The following WIPF3 variants were observed in gnomAD, a reference collection of about 807,000 sequenced individuals.
WIPF3 encodes WAS/WASL interacting protein family member 3.
In WIPF3, 33 loss-of-function variants were observed where a neutral mutation model predicts 38.9. That is an observed-to-expected ratio of 0.85 (90% confidence interval 0.64 to 1.14). WIPF3 has a LOEUF of 1.14. WIPF3 is among the 50% of genes most tolerant of loss of function. The pLI is 0.00. For missense variants in WIPF3, 711 were observed against 652.5 expected, an observed-to-expected ratio of 1.09 and a Z score of -0.98; for synonymous variants, 324 against 269.3, an observed-to-expected ratio of 1.20 and a Z score of -1.99.
Position 29,914,722 on chromosome 7 carries a change from T to C in WIPF3, c.*206T>C, listed in dbSNP as rs1786573267. ...GTAATATTTTTTAAAACACCCCTCA[T>C]TTTTCCATTTTTTGCATTGCATCTT... On this transcript the variant is annotated 3_prime_UTR_variant, in exon 9 of 9. Transcript: ENST00000242140. The C allele has an allele frequency of 7.6e-6, 3 of 396,388 alleles. No homozygotes were observed. Among genetic ancestry groups the C allele is most frequent in the Non-Finnish European group, 1.4e-5 (3 of 219,570 alleles). 24.6% of individuals were successfully genotyped at this position (396,388 alleles called of 1,614,324 possible).
intron 2 of WIPF3, among the ~76,000 whole-genome samples, chr7:29,837,754 C>G (rs1040743863): frequency 1.3e-5 from 2 of 152,058 alleles, no homozygotes; most frequent in East Asian, 3.9e-4. Context: ...TTACAGATTA[C>G]TATGGAAATG....
chr7:29,909,948 G>A (rs567160519), intron 8 of WIPF3, among the ~76,000 whole-genome samples: 135 of 151,930 alleles, frequency 8.9e-4, no homozygotes, highest in African/African-American at 3.0e-3. Context: ...ACAAACTAGC[G>A]GGGGAGTGGA....
intron 5 of WIPF3, among the ~76,000 whole-genome samples, chr7:29,885,632 G>A (rs148588681): frequency 2.6e-5 from 4 of 152,230 alleles, no homozygotes; most frequent in African/African-American, 7.2e-5. Context: ...GTAACACAGC[G>A]AAACCCCATC....
At chr7:29,909,895 CAA>C (rs57930525) in intron 8 of WIPF3, among the ~76,000 whole-genome samples, 1 of 99,554 alleles carries the variant, frequency 1.0e-5, no homozygotes, top group African/African-American at 3.1e-5. Flanking sequence ...AACCCTGTCT[CAA>C]AAAAAAAAAG....
intron 2 of WIPF3, among the ~76,000 whole-genome samples, chr7:29,869,059 C>CACT (rs1441652777): frequency 1.3e-5 from 2 of 150,940 alleles, no homozygotes; most frequent in East Asian, 3.9e-4. Context: ...GATGGAGTTT[C>CACT]ACTCGTGTTG....
At chr7:29,843,200 G>A (rs174935) in intron 2 of WIPF3, among the ~76,000 whole-genome samples, 113,393 of 152,140 alleles carry the variant, frequency 0.75, 42,746 homozygotes, top group Middle Eastern at 0.82. Context: ...GGTTTCCTTG[G>A]TCTGGAAGAG....
At position 29,823,602 on chromosome 7, in the gene WIPF3, C is replaced by G. The variant is rs1784572888; in HGVS notation, c.-57-11066C>G. Among the ~76,000 whole-genome samples, 1 of 152,212 alleles carries G rather than the reference C, an allele frequency of 6.6e-6. No individual in the cohort carries two copies. The highest frequency in any genetic ancestry group is 1.5e-5 in the Non-Finnish European group (1 of 68,036). On this transcript the variant is annotated intron_variant, in intron 1 of 8. Transcript: ENST00000242140. The surrounding 1 kb of genome is among the most constrained non-coding windows in gnomAD (Gnocchi z 4.0). Reference sequence around the variant, plus strand: ...TGCCATTGCCTTGATACAAAAATATCTTGATACCAACTGATATGGTTTGGA... The same window carrying G: ...TGCCATTGCCTTGATACAAAAATATGTTGATACCAACTGATATGGTTTGGA...
At chr7:29,880,320 G>T (rs1022085438) in intron 4 of WIPF3, among the ~76,000 whole-genome samples, 4 of 152,128 alleles carry the variant, frequency 2.6e-5, no homozygotes, top group African/African-American at 9.7e-5. Context: ...TTAATGTTAT[G>T]GGATGATTAT....
chr7:29,874,745 AC>A (rs1234666916), intron 2 of WIPF3, among the ~76,000 whole-genome samples: 1 of 152,106 alleles, frequency 6.6e-6, no homozygotes, highest in African/African-American at 2.4e-5. Flanking sequence ...GGCTCTACTA[AC>A]CCGTGGAAAC....
chr7:29,884,504 C>A lies in WIPF3; in HGVS notation c.1010C>A (p.Pro337Gln). Reference protein sequence around the residue: ...PPKSPSFQAPPQKAGAQALPA... With the variant: ...PPKSPSFQAPQQKAGAQALPA... The stretch of plus-strand genomic sequence containing the variant: ...AAATCCCCCAGCTTCCAGGCCCCAC[C>A]GCAGAAGGCCGGTGCGCAGGCCTTG... The change falls in exon 5 of 9, where the codon CCG becomes CAG. Residue 337 changes from proline to glutamine, a missense_variant. By Grantham distance (76) the Pro-to-Gln change is moderately conservative (BLOSUM62 -1). Transcript: ENST00000242140. 1.9e-6 allele frequency: 3 copies of A among 1,576,472 alleles called. No homozygotes were observed. Among genetic ancestry groups the A allele is most frequent in the Non-Finnish European group, 2.6e-6 (3 of 1,162,564 alleles).
At chr7:29,888,003 C>A in intron 5 of WIPF3, 65 bp from the exon 6 acceptor site, 4 of 1,594,358 alleles carry the variant, frequency 2.5e-6, no homozygotes, top group Non-Finnish European at 8.6e-7. Flanking sequence ...TAATATCTCA[C>A]ATAAGGTTAT....
At chr7:29,899,874 AGAGAG>A (rs1786238284) in intron 7 of WIPF3, among the ~76,000 whole-genome samples, 1 of 152,234 alleles carries the variant, frequency 6.6e-6, no homozygotes, top group Admixed American at 6.5e-5. Flanking sequence ...ATCAAATAGA[AGAGAG>A]AAGAGACTAG....
chr7:29,853,820 A>G (rs1785143566), intron 2 of WIPF3, among the ~76,000 whole-genome samples: 1 of 152,238 alleles, frequency 6.6e-6, no homozygotes, highest in African/African-American at 2.4e-5. Context: ...AGTAGAGAAT[A>G]AGGACCATCC....
chr7:29,889,281 CTCTT>C (rs1216150759), intron 6 of WIPF3, 21 bp from the exon 7 acceptor site: 2 of 1,589,488 alleles, frequency 1.3e-6, no homozygotes, highest in South Asian at 2.2e-5. Context: ...ACCTGAGTAA[CTCTT>C]TCCATTTCGC....
At chr7:29,899,191 A>T (rs756923027) in intron 7 of WIPF3, among the ~76,000 whole-genome samples, 2 of 152,128 alleles carry the variant, frequency 1.3e-5, no homozygotes, top group Non-Finnish European at 2.9e-5. Context: ...ATTTGCACCT[A>T]ACGACCTGCC....
chr7:29,815,165 T>C (rs1043420797), intron 1 of WIPF3, among the ~76,000 whole-genome samples: 5 of 151,890 alleles, frequency 3.3e-5, no homozygotes, highest in African/African-American at 1.2e-4. Flanking sequence ...GTAAGACAAC[T>C]ACCTAGAAAA....
chr7:29,846,574 G>A (rs571300024), intron 2 of WIPF3, among the ~76,000 whole-genome samples: 291 of 152,298 alleles, frequency 1.9e-3, no homozygotes, highest in African/African-American at 6.1e-3. Context: ...GGTGGCGTGC[G>A]CCTGTAATCC....
chr7:29,840,780 A>G (rs1384019868), intron 2 of WIPF3, among the ~76,000 whole-genome samples: 1 of 152,276 alleles, frequency 6.6e-6, no homozygotes. Flanking sequence ...GCAAGAGGGA[A>G]TGTATAGCCC....
At chr7:29,872,403 A>G (rs1362619702) in intron 2 of WIPF3, among the ~76,000 whole-genome samples, 2 of 152,196 alleles carry the variant, frequency 1.3e-5, no homozygotes, top group Non-Finnish European at 1.5e-5. Context: ...TGCAAAACCA[A>G]TTAAGTCTAA....
Sources: allele counts gnomAD v4.1 joint callset (sites outside exome capture counted in the v4.1 genomes callset), GRCh38; gene constraint gnomAD v4.1.1; non-coding constraint Gnocchi (gnomAD v3.1); transcripts MANE v1.5; gene names NCBI Gene and HGNC (gene_info 2026-07-23, HGNC 2026-07-21).